Variants in NEO1 observed in about 807,000 individuals in gnomAD.
NEO1 encodes the protein neogenin.
Under a neutral mutation model 159.7 loss-of-function variants are expected in NEO1, and 63 were observed. The observed-to-expected ratio is 0.39, with a 90% CI of 0.32 to 0.49. NEO1 has a LOEUF of 0.49. NEO1 is among the 20% of genes least tolerant of loss of function. The probability of loss-of-function intolerance (pLI) is 0.85; values close to 1 mark genes in which losing one functional copy is unlikely to be tolerated. For missense variants in NEO1, 1,615 were observed against 1,831.0 expected, an observed-to-expected ratio of 0.88 and a Z score of 2.15; for synonymous variants, 633 against 662.0, an observed-to-expected ratio of 0.96 and a Z score of 0.67.
intron 5 of NEO1, among the ~76,000 whole-genome samples, chr15:73,149,349 AAAGT>A (rs1324928621): frequency 1.3e-5 from 2 of 152,060 alleles, no homozygotes; most frequent in African/African-American, 4.8e-5. Flanking sequence ...GACCATGTTA[AAAGT>A]AACAGCAAAG....
At chr15:73,238,110 A>T (rs1237743856) in intron 8 of NEO1, among the ~76,000 whole-genome samples, 2 of 152,084 alleles carry the variant, frequency 1.3e-5, no homozygotes, top group East Asian at 3.9e-4. Context: ...TAATGACATG[A>T]CTTGGCAGCT....
intron 3 of NEO1, among the ~76,000 whole-genome samples, chr15:73,124,550 T>A (rs2029901769): frequency 6.6e-6 from 1 of 152,228 alleles, no homozygotes; most frequent in African/African-American, 2.4e-5. Context: ...ACTTTATGTT[T>A]CTAGAACAAT....
At chr15:73,302,138 C>G (rs959813470) in intron 28 of NEO1, among the ~76,000 whole-genome samples, 1 of 152,226 alleles carries the variant, frequency 6.6e-6, no homozygotes, top group Non-Finnish European at 1.5e-5. Flanking sequence ...CTTTCCTGAG[C>G]AAGATGCTGG....
chr15:73,103,887 C>T (rs1047225860), intron 1 of NEO1, among the ~76,000 whole-genome samples: 1 of 152,204 alleles, frequency 6.6e-6, no homozygotes, highest in Non-Finnish European at 1.5e-5. Context: ...TGGGGTCTCA[C>T]TCTGTAGTCC....
intron 11 of NEO1, 29 bp from the exon 12 acceptor site, chr15:73,253,371 A>G: frequency 1.4e-6 from 2 of 1,433,108 alleles, no homozygotes; most frequent in South Asian, 1.3e-5. Flanking sequence ...ATTAAAAAAA[A>G]AATTTTTTTT....
At chr15:73,235,877 T>C (rs2039143289) in intron 7 of NEO1, among the ~76,000 whole-genome samples, 1 of 152,186 alleles carries the variant, frequency 6.6e-6, no homozygotes, top group Admixed American at 6.5e-5. Context: ...TATGTTAAAG[T>C]AGAAGAAAAT....
At chr15:73,300,536 C>G (rs1453403065) in intron 27 of NEO1, among the ~76,000 whole-genome samples, 3 of 152,168 alleles carry the variant, frequency 2.0e-5, no homozygotes, top group Non-Finnish European at 4.4e-5. Flanking sequence ...TCAAGACCAG[C>G]CTGGCCACCA....
At chr15:73,169,889 T>C (rs988050305) in intron 5 of NEO1, among the ~76,000 whole-genome samples, 32 of 152,008 alleles carry the variant, frequency 2.1e-4, no homozygotes, top group Non-Finnish European at 5.9e-5. Context: ...TATGTGCTTA[T>C]AATTTTCATA....
At chr15:73,163,854 C>T (rs933410197) in intron 5 of NEO1, among the ~76,000 whole-genome samples, 6 of 152,138 alleles carry the variant, frequency 3.9e-5, no homozygotes, top group Non-Finnish European at 8.8e-5. Context: ...CTCCCCACTA[C>T]AGATAGTACA....
intron 1 of NEO1, among the ~76,000 whole-genome samples, chr15:73,112,894 G>T (rs2071082516): frequency 6.6e-6 from 1 of 152,266 alleles, no homozygotes; most frequent in African/African-American, 2.4e-5. Flanking sequence ...TACATGGTGT[G>T]AGTAGGCATC....
chr15:73,265,926 C>T (rs2040865995), intron 15 of NEO1, among the ~76,000 whole-genome samples: 1 of 152,184 alleles, frequency 6.6e-6, no homozygotes, highest in South Asian at 2.1e-4. Flanking sequence ...TTGTCTGTTC[C>T]CATCGCTGTC....
chr15:73,235,110 T>C (rs899881010), intron 7 of NEO1, among the ~76,000 whole-genome samples: 6 of 152,306 alleles, frequency 3.9e-5, no homozygotes, highest in African/African-American at 1.4e-4. Flanking sequence ...GCCATTTCCC[T>C]GAGATAGATA....
intron 7 of NEO1, among the ~76,000 whole-genome samples, chr15:73,228,478 T>TA (rs1211818647): frequency 2.0e-5 from 3 of 149,500 alleles, no homozygotes; most frequent in African/African-American, 5.0e-5. Flanking sequence ...TTTTTTTTTT[T>TA]TATCAGATAC....
At chr15:73,127,490 G>T (rs561749590) in intron 4 of NEO1, among the ~76,000 whole-genome samples, 1 of 152,230 alleles carries the variant, frequency 6.6e-6, no homozygotes, top group African/African-American at 2.4e-5. Context: ...TGGCATCCCT[G>T]CCTTCTACCC....
chr15:73,074,777 C>T (rs2068693506), intron 1 of NEO1, among the ~76,000 whole-genome samples: 1 of 152,106 alleles, frequency 6.6e-6, no homozygotes, highest in African/African-American at 2.4e-5. Context: ...CCCTGGCCTC[C>T]TTCCTCTCCT....
rs185049063 is a variant in NEO1 at position 73,177,792 on chromosome 15, C to T, written c.1171-515C>T. Among the ~76,000 whole-genome samples the T allele has an allele frequency of 2.3e-4, 35 of 152,262 alleles. No individual in the cohort carries two copies. The East Asian group carries it at 4.8e-3, about 21-fold the overall frequency. On this transcript the variant is annotated intron_variant, in intron 6 of 28. Transcript: ENST00000261908. ...CTGGGCTCAAGTGATACTCCTGCCT[C>T]GGCCTCCCAAAGTGCTGGGGTTACA...
rs1325218106 is a variant in NEO1, at chr15:73,068,384, G to C, written c.130+15579G>C. On this transcript the variant is annotated intron_variant, in intron 1 of 28. Coordinates refer to ENST00000261908, the MANE Select transcript of NEO1 (RefSeq NM_002499.4). ...GCACAACCACACCTGGCTAATTTTT[G>C]TATTTTTAGTAGAGATGGGGTTTTG... Among the ~76,000 whole-genome samples the C allele has an allele frequency of 2.0e-5, 3 of 152,030 alleles. No individual in the cohort carries two copies. In the East Asian group the frequency reaches 5.8e-4, roughly 29 times the overall value.
intron 5 of NEO1, among the ~76,000 whole-genome samples, chr15:73,164,996 A>G (rs1039556643): frequency 7.2e-5 from 11 of 152,094 alleles, no homozygotes; most frequent in Non-Finnish European, 1.3e-4. Flanking sequence ...TGGTGTAATC[A>G]TAACTCACAG....
intron 7 of NEO1, among the ~76,000 whole-genome samples, chr15:73,194,434 TC>T (rs1482426081): frequency 6.6e-6 from 1 of 152,194 alleles, no homozygotes; most frequent in Non-Finnish European, 1.5e-5. Flanking sequence ...GGCACCATCA[TC>T]TGCTTCCAAT....
Sources: allele counts gnomAD v4.1 joint callset (sites outside exome capture counted in the v4.1 genomes callset), GRCh38; gene constraint gnomAD v4.1.1; transcripts MANE v1.5; gene names NCBI Gene and HGNC (gene_info 2026-07-23, HGNC 2026-07-21).